Variants in ASXL1 observed in about 807,000 individuals in gnomAD.
ASXL1 encodes ASXL transcriptional regulator 1, also known as polycomb group protein ASXL1.
In ASXL1, 65 loss-of-function variants were observed where a neutral mutation model predicts 89.1. That is an observed-to-expected ratio of 0.73 (90% CI 0.60 to 0.90). The LOEUF (loss-of-function observed/expected upper bound fraction) is 0.90. Ranked by LOEUF, ASXL1 falls within the 40% of genes least tolerant of loss-of-function variation. The pLI is 0.00. For missense variants in ASXL1, 1,786 were observed against 1,942.9 expected (o/e 0.92, Z 1.52); for synonymous variants, 739 against 746.9 (o/e 0.99, Z 0.17).
Position 32,433,636 on chromosome 20 carries a change from G to C in ASXL1, c.1438G>C (p.Glu480Gln), listed in dbSNP as rs545224250. The C allele has an allele frequency of 6.2e-7, 1 of 1,612,768 alleles. No homozygotes were observed. Among genetic ancestry groups the C allele is most frequent in the Middle Eastern group, 1.7e-4 (1 of 6,056 alleles). The change falls in exon 12 of 13, where the codon GAA becomes CAA. Residue 480 changes from glutamate (E) to glutamine (Q), a missense_variant. Physicochemically the swap from Glu to Gln is conservative, Grantham distance 29 (BLOSUM62 2). Transcript: ENST00000375687. ...SSAAPDLEGP[E>Q]FPVESVASRI... ...TGCAGCACCCGACCTGGAGGGTCCC[G>C]AATTCCCAGTTGAGTCTGTGGCTTC...
chr20:32,388,831 G>A (rs1410393625), intron 4 of ASXL1, among the ~76,000 whole-genome samples: 1 of 151,942 alleles, frequency 6.6e-6, no homozygotes, highest in Non-Finnish European at 1.5e-5. Flanking sequence ...ACCTGGGCAT[G>A]TATGTTTTTA....
chr20:32,363,042 T>TA (rs534781770), intron 1 of ASXL1, among the ~76,000 whole-genome samples: 4,416 of 148,390 alleles, frequency 0.03, 205 homozygotes, highest in African/African-American at 0.1. Flanking sequence ...AAGAGATACT[T>TA]AAAAAAAAAA....
At position 32,364,391 on chromosome 20, in the gene ASXL1, ATTTTTTTGTAGAGACAGGGTTTC is replaced by A. The variant is rs879309873; in HGVS notation, c.58-1992_58-1970del. Among the ~76,000 whole-genome samples, 1,443 of 151,690 alleles carry A rather than the reference ATTTTTTTGTAGAGACAGGGTTTC, an allele frequency of 9.5e-3. 14 individuals are homozygous for A. The highest frequency in any genetic ancestry group is 0.023 in the African/African-American group (943 of 41,340). On this transcript the variant is annotated intron_variant, in intron 1 of 12. Coordinates refer to ENST00000375687, the MANE Select transcript of ASXL1 (RefSeq NM_015338.6). ...CCACCATGCCCATCTAGTTTTTTGT[ATTTTTTTGTAGAGACAGGGTTTC>A]ACCATGTCGCCCAGGCTGGTTTTGA... is the stretch of plus-strand genomic sequence containing the variant.
intron 1 of ASXL1, among the ~76,000 whole-genome samples, chr20:32,363,789 A>G (rs1048503474): frequency 2.0e-5 from 3 of 152,208 alleles, no homozygotes; most frequent in African/African-American, 7.2e-5. Flanking sequence ...GACAACACAT[A>G]GCAGGAGAGA....
In ASXL1 at chr20:32,377,133, ATATAT is replaced by A. The variant is rs1363959736; in HGVS notation, c.252+8016_252+8020del. 3.0e-4 allele frequency among the ~76,000 whole-genome samples: 41 copies of A among 134,808 alleles called. 1 individual carries two copies. Among genetic ancestry groups the A allele is most frequent in the Middle Eastern group, 3.7e-3 (1 of 270 alleles). The allele number at this position is 134,808 out of a possible 152,430, so 88.4% of individuals were successfully genotyped here. ...ATATTAATAGATATATTAATATAAT[ATATAT>A]TATATATTATACAGATATCTATAAA... On this transcript the variant is annotated intron_variant, in intron 4 of 12. Coordinates refer to ENST00000375687, the MANE Select transcript of ASXL1 (RefSeq NM_015338.6).
In ASXL1 at chr20:32,435,063, A is replaced by T; in HGVS notation, c.2351A>T (p.Asp784Val). 2 of 1,614,058 alleles carry T rather than the reference A, an allele frequency of 1.2e-6. No individual in the cohort carries two copies. The highest frequency in any genetic ancestry group is 1.7e-6 in the Non-Finnish European group (2 of 1,180,028). ...GTGGAGCAGCCTCAGTTGCATCCGG[A>T]TGTTAGAACTGAATGTGAGTCTGGC... is the stretch of plus-strand genomic sequence containing the variant. ...RLVEQPQLHP[D>V]VRTECESGTT... The change falls in exon 13 of 13, where the codon GAT (aspartate) becomes GTT (valine). Residue 784 changes from aspartate to valine, a missense_variant. Asp to Val is a radical substitution (Grantham distance 152). Coordinates refer to ENST00000375687, the MANE Select transcript of ASXL1 (RefSeq NM_015338.6).
Position 32,368,920 on chromosome 20 carries a change from A to T in ASXL1, c.144-95A>T, listed in dbSNP as rs186895183. The T allele has an allele frequency of 5.7e-3, 5,643 of 985,338 alleles. 21 individuals are homozygous for T. The highest frequency in any genetic ancestry group is 0.014 in the Middle Eastern group (57 of 4,078). 61.0% of individuals were successfully genotyped at this position (985,338 alleles called of 1,614,324 possible). A position where few individuals can be genotyped will look rare whatever the true frequency, so the allele number is the denominator to read the frequency against. ...ATTTTTTCTTCTGTATTTCTTGCTT[A>T]GCTTCTTCTCATTTAAGAATGAGTT... On this transcript the variant is annotated intron_variant, in intron 3 of 12. Coordinates refer to ENST00000375687, the MANE Select transcript of ASXL1 (RefSeq NM_015338.6).
intron 4 of ASXL1, among the ~76,000 whole-genome samples, chr20:32,380,904 G>C (rs1295904015): frequency 2.0e-5 from 3 of 152,178 alleles, no homozygotes; most frequent in African/African-American, 7.2e-5. Context: ...CAAGCAAAGT[G>C]GTCCTTTTGA....
Position 32,434,493 on chromosome 20 carries a change from G to A in ASXL1, c.1781G>A (p.Cys594Tyr). The change falls in exon 13 of 13, where the codon TGC (cysteine) becomes TAC (tyrosine). Residue 594 changes from cysteine (C) to tyrosine (Y), a missense_variant. Physicochemically the swap from Cys to Tyr is radical, Grantham distance 194 (BLOSUM62 -2). Around this residue, in one of 3 missense-constraint regions of ASXL1, gnomAD observed 1,418 missense variants for 1,427.8 expected, o/e 0.99. Coordinates refer to ENST00000375687, the MANE Select transcript of ASXL1 (RefSeq NM_015338.6). Reference sequence around the variant, plus strand: ...AAAGGTCAGCCCACTTACCAGATATGCCCCCGGATCATCCCCACCACGGAG... The same window carrying A: ...AAAGGTCAGCCCACTTACCAGATATACCCCCGGATCATCCCCACCACGGAG... The part of the protein sequence containing the change: ...VVKGQPTYQI[C>Y]PRIIPTTESS... 3 of 1,614,042 alleles carry A rather than the reference G, an allele frequency of 1.9e-6. No individual in the cohort carries two copies. The highest frequency in any genetic ancestry group is 1.1e-5 in the South Asian group (1 of 91,080).
chr20:32,394,271 G>A (rs572304591), intron 4 of ASXL1, among the ~76,000 whole-genome samples: 93 of 152,282 alleles, frequency 6.1e-4, no homozygotes, highest in African/African-American at 2.1e-3. Flanking sequence ...CAAAGTGCTG[G>A]GATTACAGGC....
At chr20:32,371,062 G>A (rs1286977456) in intron 4 of ASXL1, among the ~76,000 whole-genome samples, 5 of 151,334 alleles carry the variant, frequency 3.3e-5, no homozygotes, top group Non-Finnish European at 1.5e-5. Context: ...GCTTGGAGAT[G>A]GAGGCTGCAG....
chr20:32,364,969 G>T (rs573816114), intron 1 of ASXL1, among the ~76,000 whole-genome samples: 1 of 152,144 alleles, frequency 6.6e-6, no homozygotes, highest in Non-Finnish European at 1.5e-5. Flanking sequence ...CTGGTTTTGG[G>T]ACTTGGCGGA....
At chr20:32,401,545 T>TGTG (rs1555907087) in intron 4 of ASXL1, among the ~76,000 whole-genome samples, 7 of 3,958 alleles carry the variant, frequency 1.8e-3, no homozygotes, top group African/African-American at 3.9e-3. Flanking sequence ...TGTGTGTGTG[T>TGTG]TTTTTCCCCC....
In ASXL1 at chr20:32,428,362, T is replaced by C; in HGVS notation, c.411T>C (p.Ser137=). The C allele has an allele frequency of 6.2e-7, 1 of 1,614,156 alleles. No homozygotes were observed. The highest frequency in any genetic ancestry group is 8.5e-7 in the Non-Finnish European group (1 of 1,180,030). Residue 137 remains serine (S), a synonymous_variant, in exon 6 of 13, where the codon TCT becomes TCC. Transcript: ENST00000375687. ...AAACATCTTCGAACGCATCCTGTTC[T>C]ACAGAATCTCAGAGTCGACCTCTTT... is the stretch of plus-strand genomic sequence containing the variant. ...LDETSSNASC[S]TESQSRPLSN...
chr20:32,389,550 T>C (rs541348472), intron 4 of ASXL1, among the ~76,000 whole-genome samples: 1 of 152,282 alleles, frequency 6.6e-6, no homozygotes, highest in East Asian at 1.9e-4. Flanking sequence ...TATGGCATAA[T>C]TTACGTACAG....
chr20:32,358,956 C>G, intron 1 of ASXL1, 124 bp downstream of exon 1: 1 of 1,060,944 alleles, frequency 9.4e-7, no homozygotes, highest in Non-Finnish European at 1.3e-6. Flanking sequence ...GGCCATCTTC[C>G]TTTAAGAACG....
chr20:32,433,552 GGGGA>G lies in ASXL1; in HGVS notation c.1357_1360del (p.Glu453LeufsTer8). Reference sequence around the variant, plus strand: ...CTCAGATGTTCCCCTCTACAAGGATGGGGAGGCTAAGACTGACCCAGCAGGGCTG... The same window carrying G: ...CTCAGATGTTCCCCTCTACAAGGATGGGCTAAGACTGACCCAGCAGGGCTG... On this transcript the variant is annotated frameshift_variant, in exon 12 of 13. Coordinates refer to ENST00000375687, the MANE Select transcript of ASXL1 (RefSeq NM_015338.6). LOFTEE classifies it high-confidence loss of function. 1 of 1,614,186 alleles carries G rather than the reference GGGGA, an allele frequency of 6.2e-7. No homozygotes were observed. Among genetic ancestry groups the G allele is most frequent in the Non-Finnish European group, 8.5e-7 (1 of 1,180,036 alleles).
At chr20:32,404,252 C>A (rs1024952073) in intron 4 of ASXL1, among the ~76,000 whole-genome samples, 1 of 152,154 alleles carries the variant, frequency 6.6e-6, no homozygotes, top group Non-Finnish European at 1.5e-5. Context: ...ATAGGAGTGA[C>A]AACATGTGAT....
chr20:32,432,069 T>G (rs1364331379), intron 10 of ASXL1, among the ~76,000 whole-genome samples: 4 of 152,188 alleles, frequency 2.6e-5, no homozygotes, highest in Non-Finnish European at 5.9e-5. Context: ...TCTATTAATT[T>G]AATTTTGTGG....
Sources: gnomAD v4.1 joint callset for allele counts (sites outside exome capture counted in the v4.1 genomes callset) on GRCh38, gnomAD v4.1.1 for gene constraint, gnomAD v4.1.1 regional missense constraint, MANE v1.5 for transcripts, NCBI Gene and HGNC (gene_info 2026-07-23, HGNC 2026-07-21) for gene names.